Variants in WSCD2 observed in about 807,000 individuals in gnomAD.
The protein encoded by WSCD2 is sialate:O-sulfotransferase 2.
WSCD2 carries 28 observed loss-of-function variants against 55.7 expected under a neutral mutation model. The observed-to-expected ratio is 0.50, with a 90% CI of 0.37 to 0.69. WSCD2 has a LOEUF of 0.69. Among genes scored for constraint, WSCD2 ranks in the 30% least tolerant of loss-of-function variants. The pLI is 0.00. For synonymous variants in WSCD2, 301 were observed against 301.9 expected, an observed-to-expected ratio of 1.00 and a Z score of 0.03; for missense variants, 616 against 762.1, an observed-to-expected ratio of 0.81 and a Z score of 2.26.
rs558871977 is a variant in WSCD2 at position 108,235,999 on chromosome 12, T to C, written c.1144+3104T>C. 4.6e-5 allele frequency among the ~76,000 whole-genome samples: 7 copies of C among 152,326 alleles called. No individual in the cohort carries two copies. In the South Asian group the frequency reaches 1.5e-3, roughly 32 times the overall value. On this transcript the variant is annotated intron_variant, in intron 7 of 8. Transcript: ENST00000547525. ...AGATGCTTAACTTCATGAAATCCTT[T>C]GCCGCATTTGCCACACTGGGGCAAA...
At chr12:108,181,908 G>A (rs1881821300) in intron 1 of WSCD2, among the ~76,000 whole-genome samples, 1 of 152,194 alleles carries the variant, frequency 6.6e-6, no homozygotes, top group African/African-American at 2.4e-5. Flanking sequence ...AGGTAACTCT[G>A]CCAATACGCA....
intron 1 of WSCD2, among the ~76,000 whole-genome samples, chr12:108,174,890 T>C (rs759475188): frequency 1.4e-4 from 22 of 152,180 alleles, no homozygotes; most frequent in Non-Finnish European, 2.8e-4. Context: ...CCCAAAAGGC[T>C]AGGATTATAG....
Position 108,230,218 on chromosome 12 carries a change from A to C in WSCD2, c.980-2513A>C, listed in dbSNP as rs547998525. ...ATATAAAACATAACCATATTCTATAAAGTCCCTGTGTCTGGGCTCCTTTTT... is the reference window on the plus strand; with the variant it reads ...ATATAAAACATAACCATATTCTATACAGTCCCTGTGTCTGGGCTCCTTTTT... On this transcript the variant is annotated intron_variant, in intron 6 of 8. Coordinates refer to ENST00000547525, the MANE Select transcript of WSCD2 (RefSeq NM_014653.4). Among the ~76,000 whole-genome samples the C allele has an allele frequency of 3.3e-4, 51 of 152,344 alleles. No individual in the cohort carries two copies. In the South Asian group the frequency reaches 0.01, roughly 31 times the overall value.
chr12:108,226,657 T>C (rs1252624476), intron 5 of WSCD2, among the ~76,000 whole-genome samples: 1 of 152,206 alleles, frequency 6.6e-6, no homozygotes, highest in Non-Finnish European at 1.5e-5. Flanking sequence ...TTTGTTTCTA[T>C]ATTATGTGCA....
At chr12:108,175,646 G>A (rs1198926082) in intron 1 of WSCD2, among the ~76,000 whole-genome samples, 1 of 152,192 alleles carries the variant, frequency 6.6e-6, no homozygotes, top group East Asian at 1.9e-4. Context: ...TGAGGGGCGT[G>A]TGGGAACCCA....
At chr12:108,154,416 T>C (rs760926308) in intron 1 of WSCD2, among the ~76,000 whole-genome samples, 1 of 152,192 alleles carries the variant, frequency 6.6e-6, no homozygotes, top group Non-Finnish European at 1.5e-5. Flanking sequence ...TTCTGTTGTC[T>C]TCTCTCCTTC....
intron 1 of WSCD2, among the ~76,000 whole-genome samples, chr12:108,169,105 C>T (rs1415949952): frequency 6.6e-6 from 1 of 152,190 alleles, no homozygotes; most frequent in Admixed American, 6.5e-5. Flanking sequence ...AGGTTGCACA[C>T]GCCTTATGAG....
intron 1 of WSCD2, among the ~76,000 whole-genome samples, chr12:108,142,934 C>T (rs1182492507): frequency 1.3e-5 from 2 of 152,140 alleles, no homozygotes; most frequent in African/African-American, 4.8e-5. Context: ...CCTCAGCCTC[C>T]TTAGTAGCTG....
intron 2 of WSCD2, among the ~76,000 whole-genome samples, chr12:108,199,041 G>A (rs778889392): frequency 8.5e-5 from 13 of 152,208 alleles, no homozygotes; most frequent in Non-Finnish European, 1.8e-4. Flanking sequence ...TTTATAAAGT[G>A]CAGAGAGAAG....
chr12:108,130,478 GT>G (rs1565905434), intron 1 of WSCD2, among the ~76,000 whole-genome samples: 2,087 of 46,536 alleles, frequency 0.045, 22 homozygotes, highest in Middle Eastern at 0.051. Flanking sequence ...ATTCTGGGGT[GT>G]GTGTGTGTGT....
At chr12:108,236,127 CT>C (rs1889244360) in intron 7 of WSCD2, among the ~76,000 whole-genome samples, 1 of 152,242 alleles carries the variant, frequency 6.6e-6, no homozygotes, top group Admixed American at 6.5e-5. Flanking sequence ...AGCTGATCCC[CT>C]GGCAACTCTT....
chr12:108,213,680 A>G (rs758121539), intron 4 of WSCD2, among the ~76,000 whole-genome samples: 27 of 152,168 alleles, frequency 1.8e-4, no homozygotes, highest in Non-Finnish European at 3.2e-4. Flanking sequence ...TAGGCAAATA[A>G]AAGAGTGCAC....
chr12:108,230,030 G>A (rs117009494), intron 6 of WSCD2, among the ~76,000 whole-genome samples: 2,519 of 151,994 alleles, frequency 0.017, 32 homozygotes, highest in Non-Finnish European at 0.025. Flanking sequence ...CCTAATTTTT[G>A]GTGCATTTCC....
At chr12:108,196,768 A>C (rs889287361) in intron 2 of WSCD2, 1 of 153,070 alleles carries the variant, frequency 6.5e-6, no homozygotes, top group Non-Finnish European at 1.5e-5. Context: ...CTCAGGAGAG[A>C]TCATTGCCCT....
intron 6 of WSCD2, 53 bp from the exon 7 acceptor site, chr12:108,232,678 C>T: frequency 1.3e-6 from 2 of 1,532,744 alleles, no homozygotes; most frequent in East Asian, 2.4e-5. Context: ...CCCTTTCAGA[C>T]AGGCTCCATC....
chr12:108,163,300 C>T (rs1038240584), intron 1 of WSCD2, among the ~76,000 whole-genome samples: 2 of 151,986 alleles, frequency 1.3e-5, no homozygotes, highest in Admixed American at 6.6e-5. Context: ...ACCTGGGAGG[C>T]GGAGCTTGCA....
At chr12:108,191,552 A>C (rs535680989) in intron 1 of WSCD2, among the ~76,000 whole-genome samples, 4 of 152,312 alleles carry the variant, frequency 2.6e-5, no homozygotes, top group African/African-American at 9.6e-5. Flanking sequence ...CTGGATTTAC[A>C]GTTCTCCAAG....
At chr12:108,244,925 AAAT>A (rs1161853307) in intron 8 of WSCD2, among the ~76,000 whole-genome samples, 1 of 152,100 alleles carries the variant, frequency 6.6e-6, no homozygotes, top group African/African-American at 2.4e-5. Flanking sequence ...TAAATATATA[AAAT>A]CAATATTTTA....
intron 2 of WSCD2, 169 bp downstream of exon 2, chr12:108,196,383 T>G (rs1423123074): frequency 1.7e-6 from 2 of 1,153,738 alleles, no homozygotes; most frequent in Admixed American, 6.2e-5. Flanking sequence ...AGGAGAAAAT[T>G]GAAGCTCAGA....
Sources: gnomAD v4.1 joint callset for allele counts (sites outside exome capture counted in the v4.1 genomes callset) on GRCh38, gnomAD v4.1.1 for gene constraint, MANE v1.5 for transcripts, NCBI Gene and HGNC (gene_info 2026-07-23, HGNC 2026-07-21) for gene names.